The following CSMD1 variants were observed in gnomAD, a reference collection of about 807,000 sequenced individuals.
CSMD1 encodes CUB and sushi domain-containing protein 1.
Under a neutral mutation model 417.5 loss-of-function variants are expected in CSMD1, and 213 were observed. The ratio of observed to expected loss-of-function variants is 0.51; its 90% CI spans 0.46 to 0.57. The LOEUF (loss-of-function observed/expected upper bound fraction) is 0.57. Among genes scored for constraint, CSMD1 ranks in the 20% least tolerant of loss-of-function variants. CSMD1 has a pLI of 0.00. For missense variants in CSMD1, 6,923 were observed against 4,529.7 expected (o/e 1.53, Z -15.17); for synonymous variants, 2,862 against 1,736.8 (o/e 1.65, Z -16.11).
chr8:3,436,573 A>G (rs566033570), intron 12 of CSMD1, among the ~76,000 whole-genome samples: 1 of 152,270 alleles, frequency 6.6e-6, no homozygotes, highest in Non-Finnish European at 1.5e-5. Context: ...TACCTTCTAT[A>G]TCTTATAAAT....
intron 1 of CSMD1, among the ~76,000 whole-genome samples, chr8:4,681,569 G>C (rs896098602): frequency 1.3e-5 from 2 of 152,148 alleles, no homozygotes; most frequent in African/African-American, 2.4e-5. Flanking sequence ...TCTGGTGCTT[G>C]CTATTGAAAA....
intron 54 of CSMD1, among the ~76,000 whole-genome samples, chr8:2,997,485 G>C (rs1460853891): frequency 1.3e-5 from 2 of 152,144 alleles, no homozygotes; most frequent in East Asian, 3.9e-4. Context: ...CCACCAATAA[G>C]AGTGATGTTG....
chr8:4,290,680 C>A (rs1797312045), intron 3 of CSMD1, among the ~76,000 whole-genome samples: 1 of 152,158 alleles, frequency 6.6e-6, no homozygotes, highest in Non-Finnish European at 1.5e-5. Context: ...TAAGTAGCAG[C>A]TTCAACTACA....
chr8:3,907,466 G>A (rs2930373), intron 5 of CSMD1, among the ~76,000 whole-genome samples: 1 of 151,982 alleles, frequency 6.6e-6, no homozygotes, highest in South Asian at 2.1e-4. Context: ...ACACTTTAAG[G>A]CAGTATGGTA....
intron 1 of CSMD1, among the ~76,000 whole-genome samples, chr8:4,733,975 G>A (rs147706874): frequency 5.9e-5 from 9 of 152,276 alleles, no homozygotes; most frequent in Non-Finnish European, 1.3e-4. Flanking sequence ...ATGCCCCTAT[G>A]CATGTGAAGT....
intron 11 of CSMD1, among the ~76,000 whole-genome samples, chr8:3,483,155 A>T (rs1817838615): frequency 6.6e-6 from 1 of 152,102 alleles, no homozygotes; most frequent in Non-Finnish European, 1.5e-5. Context: ...ATAGATAAAC[A>T]GTAGAAAAAA....
chr8:4,653,519 A>C (rs2617032), intron 1 of CSMD1, among the ~76,000 whole-genome samples: 2 of 151,822 alleles, frequency 1.3e-5, no homozygotes, highest in Non-Finnish European at 2.9e-5. Context: ...TCTAAAATAG[A>C]TTTTAGCAAC....
chr8:4,179,091 T>C (rs1315539878), intron 3 of CSMD1, among the ~76,000 whole-genome samples: 1 of 152,082 alleles, frequency 6.6e-6, no homozygotes, highest in Non-Finnish European at 1.5e-5. Context: ...AAAGTTCATA[T>C]GGAAACAAAA....
chr8:3,607,359 T>C (rs1244453858), intron 8 of CSMD1, among the ~76,000 whole-genome samples: 2 of 152,172 alleles, frequency 1.3e-5, no homozygotes, highest in Non-Finnish European at 2.9e-5. Context: ...CCTGGGGCTG[T>C]TTACAGTTAA....
intron 1 of CSMD1, among the ~76,000 whole-genome samples, chr8:4,757,721 G>A (rs941871755): frequency 6.6e-6 from 1 of 152,072 alleles, no homozygotes; most frequent in Non-Finnish European, 1.5e-5. Flanking sequence ...CACTTTGGGA[G>A]GGTGAGGCAA....
At chr8:4,680,110 T>C (rs1805945198) in intron 1 of CSMD1, among the ~76,000 whole-genome samples, 1 of 152,218 alleles carries the variant, frequency 6.6e-6, no homozygotes. Context: ...ATAGATACCT[T>C]GCACAGTATT....
intron 3 of CSMD1, among the ~76,000 whole-genome samples, chr8:4,041,751 T>C (rs536161495): frequency 6.6e-6 from 1 of 152,210 alleles, no homozygotes. Context: ...CTCAGTCAGG[T>C]GATGATGGAA....
chr8:4,427,944 G>A (rs1797659705), intron 2 of CSMD1, among the ~76,000 whole-genome samples: 1 of 152,128 alleles, frequency 6.6e-6, no homozygotes, highest in African/African-American at 2.4e-5. Context: ...TTAAAGTTAT[G>A]TTTTCAAATG....
intron 5 of CSMD1, among the ~76,000 whole-genome samples, chr8:3,853,653 G>A (rs1221813824): frequency 2.0e-5 from 3 of 151,902 alleles, no homozygotes; most frequent in Admixed American, 2.0e-4. Flanking sequence ...TCCTCCGAAG[G>A]ACCATCTTCC....
chr8:4,783,902 C>A lies in CSMD1; in HGVS notation c.86-146344G>T, dbSNP rs1387255501. Reference sequence around the variant, plus strand: ...GGCTTTTGTGACATATTTCCACACACTGAATTTGACCGTGAATAAAAGTTG... The same window carrying A: ...GGCTTTTGTGACATATTTCCACACAATGAATTTGACCGTGAATAAAAGTTG... On this transcript the variant is annotated intron_variant, in intron 1 of 69. Coordinates refer to ENST00000635120, the MANE Select transcript of CSMD1 (RefSeq NM_033225.6). 4.6e-5 allele frequency among the ~76,000 whole-genome samples: 7 copies of A among 152,122 alleles called. No homozygotes were observed. The East Asian group carries it at 5.8e-4, about 13-fold the overall frequency.
At chr8:3,597,850 A>G (rs1801167669) in intron 8 of CSMD1, among the ~76,000 whole-genome samples, 1 of 151,994 alleles carries the variant, frequency 6.6e-6, no homozygotes, top group Non-Finnish European at 1.5e-5. Flanking sequence ...GTTGGGGACT[A>G]GGGGAGGGAT....
chr8:4,118,506 G>C (rs894634820), intron 3 of CSMD1, among the ~76,000 whole-genome samples: 7 of 151,380 alleles, frequency 4.6e-5, no homozygotes, highest in African/African-American at 1.5e-4. Flanking sequence ...CATCATCACT[G>C]GTCACTAGAG....
At chr8:4,709,630 G>A (rs144256373) in intron 1 of CSMD1, among the ~76,000 whole-genome samples, 23 of 152,298 alleles carry the variant, frequency 1.5e-4, no homozygotes, top group African/African-American at 5.1e-4. Context: ...AAACTGGCCA[G>A]GAGCCCAAGA....
chr8:3,281,552 T>C (rs1483222817), intron 26 of CSMD1, among the ~76,000 whole-genome samples: 1 of 152,212 alleles, frequency 6.6e-6, no homozygotes, highest in Admixed American at 6.5e-5. Context: ...AGCTTGAAAG[T>C]GTCTTACTAA....
Sources: allele counts gnomAD v4.1 joint callset (sites outside exome capture counted in the v4.1 genomes callset), GRCh38; gene constraint gnomAD v4.1.1; transcripts MANE v1.5; gene names NCBI Gene and HGNC (gene_info 2026-07-23, HGNC 2026-07-21).